SCYL3: variants seen among roughly 807,000 people sequenced by gnomAD.
SCYL3 encodes the protein SCY1 like pseudokinase 3, also known as protein-associating with the carboxyl-terminal domain of ezrin.
Under a neutral mutation model 73.8 loss-of-function variants are expected in SCYL3, and 35 were observed. The observed-to-expected ratio is 0.47, with a 90% CI of 0.36 to 0.63. SCYL3 has a LOEUF of 0.63. SCYL3 is among the 20% of genes least tolerant of loss of function. SCYL3 has a pLI of 0.00. For synonymous variants in SCYL3, 277 were observed against 295.2 expected, an observed-to-expected ratio of 0.94 and a Z score of 0.63; for missense variants, 712 against 798.9, an observed-to-expected ratio of 0.89 and a Z score of 1.31.
chr1:169,852,966 T>TTACA lies in SCYL3; in HGVS notation c.*743_*746dup. 6.2e-7 allele frequency: 1 copy of TTACA among 1,614,052 alleles called. No individual in the cohort carries two copies. Among genetic ancestry groups the TTACA allele is most frequent in the East Asian group, 2.2e-5 (1 of 44,866 alleles). ...AAGAAAGGATGGATAAGCTAAAACGTTACATACATACTCTAGGGTGAAACT... is the reference window on the plus strand; with the variant it reads ...AAGAAAGGATGGATAAGCTAAAACGTTACATACATACATACTCTAGGGTGAAACT... On this transcript the variant is annotated 3_prime_UTR_variant, in exon 13 of 13. Transcript: ENST00000367771.
rs1218204115 is a variant in SCYL3 at position 169,854,850 on chromosome 1, G to C, written c.1427C>G (p.Pro476Arg). 13 of 1,613,880 alleles carry C rather than the reference G, an allele frequency of 8.1e-6. No homozygotes were observed. Among genetic ancestry groups the C allele is most frequent in the Non-Finnish European group, 1.1e-5 (13 of 1,179,944 alleles). Residue 476 changes from proline to arginine, a missense_variant, in exon 12 of 13, where the codon CCT becomes CGT. This residue lies in a region of SCYL3 where 370 missense variants were observed against 350.8 expected (regional missense o/e 1.05). Coordinates refer to ENST00000367771, the MANE Select transcript of SCYL3 (RefSeq NM_020423.7). ...AGGCTCCTCAGGTTCACTCCAGTCA[G>C]GCCACTCCTCAGACTTTTTAGAACT... is the stretch of plus-strand genomic sequence containing the variant. ...PSSSKKSEEW[P>R]DWSEPEEPEN...
rs747845988 is a variant in SCYL3 at position 169,852,852 on chromosome 1, T to C, written c.*861A>G. The C allele has an allele frequency of 2.5e-6, 4 of 1,614,166 alleles. No individual in the cohort carries two copies. Among genetic ancestry groups the C allele is most frequent in the Admixed American group, 1.7e-5 (1 of 60,020 alleles). ...AAGAAGAGTACAGGTCAGCGCTGCA[T>C]ACAATAGCAGGGGCTTTGGAAGCAA... On this transcript the variant is annotated 3_prime_UTR_variant, in exon 13 of 13. Transcript: ENST00000367771.
At chr1:169,866,717 A>G (rs931542323) in intron 8 of SCYL3, among the ~76,000 whole-genome samples, 179 bp downstream of exon 8, 8 of 152,170 alleles carry the variant, frequency 5.3e-5, no homozygotes, top group African/African-American at 1.7e-4. Context: ...CTGGGTATCT[A>G]TTTCTTTCAC....
chr1:169,891,195 C>T (rs149189266), intron 1 of SCYL3, among the ~76,000 whole-genome samples: 85 of 152,278 alleles, frequency 5.6e-4, no homozygotes, highest in East Asian at 2.7e-3. Context: ...GGTGGAGCTA[C>T]GGCAAACCAA....
At chr1:169,857,725 A>G (rs149868125) in intron 11 of SCYL3, among the ~76,000 whole-genome samples, 38 of 148,866 alleles carry the variant, frequency 2.6e-4, no homozygotes, top group African/African-American at 8.5e-4. Flanking sequence ...TTACCATTTA[A>G]GCAAAAATCC....
chr1:169,862,852 A>G (rs7525259), intron 9 of SCYL3, 55 bp from the exon 10 acceptor site: 1,070,273 of 1,555,730 alleles, frequency 0.69, 369,901 homozygotes, highest in Middle Eastern at 0.85. Context: ...TTTCAGTGAA[A>G]AGTATTAAGC....
intron 10 of SCYL3, among the ~76,000 whole-genome samples, chr1:169,860,902 T>A (rs1180509741): frequency 6.6e-6 from 1 of 152,200 alleles, no homozygotes; most frequent in African/African-American, 2.4e-5. Context: ...AAGTGAACTT[T>A]CTAGCACACA....
Position 169,852,688 on chromosome 1 carries a change from A to C in SCYL3, c.*1025T>G, listed in dbSNP as rs1394397870. On this transcript the variant is annotated 3_prime_UTR_variant, in exon 13 of 13. Coordinates refer to ENST00000367771, the MANE Select transcript of SCYL3 (RefSeq NM_020423.7). The stretch of plus-strand genomic sequence containing the variant: ...TGCATCCTCCTACCCTTGTGATCCA[A>C]TGACTAGAATAAAATTTGCATGTAA... 8.3e-7 allele frequency: 1 copy of C among 1,208,552 alleles called. No individual in the cohort carries two copies. The highest frequency in any genetic ancestry group is 1.5e-5 in the African/African-American group (1 of 65,742). 74.9% of individuals were successfully genotyped at this position (1,208,552 alleles called of 1,614,324 possible). A position where few individuals can be genotyped will look rare whatever the true frequency, so the allele number is the denominator to read the frequency against.
intron 8 of SCYL3, among the ~76,000 whole-genome samples, chr1:169,865,919 C>T (rs1660003683): frequency 6.6e-6 from 1 of 152,108 alleles, no homozygotes; most frequent in Admixed American, 6.5e-5. Context: ...GGTCGGGTGC[C>T]CCAGGATTAC....
chr1:169,850,980 C>CTTTTTTTTTTTTTTTTTTTTTTTTTT lies in SCYL3; in HGVS notation c.*2707_*2732dup, dbSNP rs869158038. ...TATTTTGGGTATAATTTAGGCATGG[C>CTTTTTTTTTTTTTTTTTTTTTTTTTT]TTTTTTTTTTTTTTTTTTTTTTTTT... On this transcript the variant is annotated 3_prime_UTR_variant, in exon 13 of 13. Transcript: ENST00000367771. 1 of 31,580 alleles carries CTTTTTTTTTTTTTTTTTTTTTTTTTT rather than the reference C, an allele frequency of 3.2e-5. No homozygotes were observed. Among genetic ancestry groups the CTTTTTTTTTTTTTTTTTTTTTTTTTT allele is most frequent in the African/African-American group, 1.9e-4 (1 of 5,252 alleles). The allele number at this position is 31,580 out of a possible 1,614,324, so 2.0% of individuals were successfully genotyped here.
intron 3 of SCYL3, among the ~76,000 whole-genome samples, chr1:169,877,088 T>C (rs1203108818): frequency 6.7e-6 from 1 of 150,294 alleles, no homozygotes; most frequent in Non-Finnish European, 1.5e-5. Context: ...AGGATTCAGG[T>C]ATTTAAGTTT....
At chr1:169,867,206 A>T (rs530660520) in intron 7 of SCYL3, among the ~76,000 whole-genome samples, 2 of 152,360 alleles carry the variant, frequency 1.3e-5, no homozygotes, top group African/African-American at 4.8e-5. Flanking sequence ...GTTTAAACAC[A>T]CATATGCTAA....
At chr1:169,890,050 C>A (rs1427087219) in intron 1 of SCYL3, among the ~76,000 whole-genome samples, 1 of 152,128 alleles carries the variant, frequency 6.6e-6, no homozygotes, top group Non-Finnish European at 1.5e-5. Context: ...ATGTGCAGTG[C>A]CCCAGCAGTA....
At chr1:169,863,003 C>A (rs1659774786) in intron 9 of SCYL3, among the ~76,000 whole-genome samples, 1 of 152,136 alleles carries the variant, frequency 6.6e-6, no homozygotes, top group Non-Finnish European at 1.5e-5. Context: ...ACCTCCTCCT[C>A]CCAGGTTCAA....
chr1:169,883,693 T>G (rs1293555630), intron 2 of SCYL3, among the ~76,000 whole-genome samples: 2 of 150,174 alleles, frequency 1.3e-5, no homozygotes, highest in East Asian at 2.0e-4. Flanking sequence ...ATCTTCTCAG[T>G]GGGTTGGTTT....
intron 2 of SCYL3, among the ~76,000 whole-genome samples, chr1:169,882,640 C>T (rs1661371620): frequency 6.6e-6 from 1 of 152,316 alleles, no homozygotes; most frequent in East Asian, 1.9e-4. Flanking sequence ...CCAGTCAGCA[C>T]TCTGTATCTA....
chr1:169,880,948 G>A (rs930766669), intron 2 of SCYL3, among the ~76,000 whole-genome samples: 3 of 152,098 alleles, frequency 2.0e-5, no homozygotes, highest in African/African-American at 7.2e-5. Flanking sequence ...TTTTAGTAGA[G>A]ACAGGGTTTC....
rs980283793 is a variant in SCYL3 at position 169,851,146 on chromosome 1, G to A, written c.*2567C>T. 7.0e-6 allele frequency: 1 copy of A among 143,338 alleles called. No individual in the cohort carries two copies. The highest frequency in any genetic ancestry group is 2.7e-5 in the African/African-American group (1 of 37,496). 8.9% of individuals were successfully genotyped at this position (143,338 alleles called of 1,614,324 possible). On this transcript the variant is annotated 3_prime_UTR_variant, in exon 13 of 13. Coordinates refer to ENST00000367771, the MANE Select transcript of SCYL3 (RefSeq NM_020423.7). ...TAAAACCAAAATTTTGAATCACAAGGTTCCTATGTCTATGCATACTTGGGA... is the reference window on the plus strand; with the variant it reads ...TAAAACCAAAATTTTGAATCACAAGATTCCTATGTCTATGCATACTTGGGA...
At chr1:169,858,959 A>G in intron 11 of SCYL3, 82 bp downstream of exon 11, 1 of 1,206,438 alleles carries the variant, frequency 8.3e-7, no homozygotes, top group Non-Finnish European at 1.2e-6. Context: ...TTGACTGAAT[A>G]TGACCCTCCT....
Sources: allele counts gnomAD v4.1 joint callset (sites outside exome capture counted in the v4.1 genomes callset), GRCh38; gene constraint gnomAD v4.1.1; regional missense constraint gnomAD v4.1.1; transcripts MANE v1.5; gene names NCBI Gene and HGNC (gene_info 2026-07-23, HGNC 2026-07-21).